The following KMT2A variants were observed in gnomAD, a reference collection of about 807,000 sequenced individuals.
KMT2A encodes histone-lysine N-methyltransferase 2A.
In KMT2A, 16 loss-of-function variants were observed where a neutral mutation model predicts 345.3. The observed-to-expected ratio is 0.05, with a 90% CI of 0.03 to 0.07. The LOEUF (loss-of-function observed/expected upper bound fraction) is 0.07, where lower values mean the gene tolerates loss of function less well. KMT2A is among the 10% of genes least tolerant of loss of function. KMT2A has a pLI of 1.00. For missense variants in KMT2A, 3,272 were observed against 4,841.6 expected, an observed-to-expected ratio of 0.68 and a Z score of 9.62; for synonymous variants, 1,599 against 1,778.6, an observed-to-expected ratio of 0.90 and a Z score of 2.54.
chr11:118,438,557 G>T (rs1169902552), intron 1 of KMT2A, among the ~76,000 whole-genome samples: 6 of 152,102 alleles, frequency 3.9e-5, no homozygotes, highest in Admixed American at 6.5e-5. Context: ...GAAAGGGAAA[G>T]ATAACAACCA....
Position 118,493,182 on chromosome 11 carries a change from T to A in KMT2A, c.5130T>A (p.Asp1710Glu). Residue 1710 changes from aspartate (D) to glutamate (E), a missense_variant, in exon 16 of 36, where the codon GAT (aspartate) becomes GAA (glutamate). By Grantham distance (45) the Asp-to-Glu change is conservative. This residue lies in a region of KMT2A where 235 missense variants were observed against 503.4 expected (regional missense o/e 0.47). Transcript: ENST00000534358. This position sits in a 1 kb window ranked among gnomAD's most constrained non-coding sequence, Gnocchi z 5.8. Reference sequence around the variant, plus strand: ...AACAGGATGATCAGCAGCCTTTAGATCTAGAAGGAGTCAAGAGGAAGATGG... The same window carrying A: ...AACAGGATGATCAGCAGCCTTTAGAACTAGAAGGAGTCAAGAGGAAGATGG... ...VSKQDDQQPL[D>E]LEGVKRKMDQ... 1 of 1,614,074 alleles carries A rather than the reference T, an allele frequency of 6.2e-7. No homozygotes were observed. The highest frequency in any genetic ancestry group is 8.5e-7 in the Non-Finnish European group (1 of 1,179,996).
rs781941668 is a variant in KMT2A at position 118,474,283 on chromosome 11, A to C, written c.3124A>C (p.Ser1042Arg). The C allele has an allele frequency of 3.1e-6, 5 of 1,614,080 alleles. No homozygotes were observed. The Admixed American group carries it at 6.7e-5, about 22-fold the overall frequency. ...GCTCTGCAAGATTGAGAAGAGTAAG[A>C]GTCTTAAACAAACCGACCAGCCCAA... ...AQLCKIEKSK[S>R]LKQTDQPKAQ... Residue 1042 changes from serine (S) to arginine (R), a missense_variant, in exon 3 of 36, where the codon AGT (serine) becomes CGT (arginine). By Grantham distance (110) the Ser-to-Arg change is moderately radical (BLOSUM62 -1). Around this residue, in one of 27 missense-constraint regions of KMT2A, gnomAD observed 29 missense variants for 27.1 expected, o/e 1.07. Transcript: ENST00000534358.
intron 1 of KMT2A, chr11:118,447,547 A>G: frequency 3.1e-6 from 1 of 318,104 alleles, no homozygotes; most frequent in Non-Finnish European, 6.4e-6. Context: ...GGGTATCCTG[A>G]TGGGATGGCA....
chr11:118,508,411 G>A (rs1400940271), intron 28 of KMT2A, among the ~76,000 whole-genome samples: 2 of 152,062 alleles, frequency 1.3e-5, no homozygotes, highest in African/African-American at 4.8e-5. Flanking sequence ...ATATACATTT[G>A]GATTGTTTCC....
rs2134273806 is a variant in KMT2A, at chr11:118,474,305, C to G, written c.3146C>G (p.Pro1049Arg). The stretch of plus-strand genomic sequence containing the variant: ...AAGAGTCTTAAACAAACCGACCAGC[C>G]CAAAGCACAGGTACTCTTTTCCACC... Reference protein sequence around the residue: ...KSKSLKQTDQPKAQGQESDSS... With the variant: ...KSKSLKQTDQRKAQGQESDSS... Residue 1049 changes from proline (P) to arginine (R), a missense_variant, in exon 3 of 36, where the codon CCC becomes CGC. Around this residue, in one of 27 missense-constraint regions of KMT2A, gnomAD observed 29 missense variants for 27.1 expected, o/e 1.07. Coordinates refer to ENST00000534358, the MANE Select transcript of KMT2A (RefSeq NM_001197104.2). The G allele has an allele frequency of 6.2e-7, 1 of 1,613,456 alleles. No individual in the cohort carries two copies. Among genetic ancestry groups the G allele is most frequent in the Non-Finnish European group, 8.5e-7 (1 of 1,179,850 alleles).
At chr11:118,456,975 C>G (rs1298058721) in intron 1 of KMT2A, among the ~76,000 whole-genome samples, 1 of 152,134 alleles carries the variant, frequency 6.6e-6, no homozygotes, top group Non-Finnish European at 1.5e-5. Context: ...TCCCTTAAAC[C>G]TTTATATCAA....
Position 118,506,607 on chromosome 11 carries a change from T to C in KMT2A, c.10715T>C (p.Ile3572Thr). The C allele has an allele frequency of 1.2e-6, 2 of 1,611,660 alleles. No individual in the cohort carries two copies. The highest frequency in any genetic ancestry group is 1.7e-6 in the Non-Finnish European group (2 of 1,178,324). ...CGGACCAGTTCTTCTGAAGCACACA[T>C]TCCAGACCAAGAAACGACATCCCTG... The part of the protein sequence containing the change: ...HLRTSSSEAH[I>T]PDQETTSLTS... Residue 3572 changes from isoleucine (I) to threonine (T), a missense_variant, in exon 27 of 36, where the codon ATT (isoleucine) becomes ACT (threonine). Transcript: ENST00000534358.
At chr11:118,447,325 A>G (rs782052879) in intron 1 of KMT2A, among the ~76,000 whole-genome samples, 11 of 152,164 alleles carry the variant, frequency 7.2e-5, no homozygotes, top group Admixed American at 5.2e-4. Flanking sequence ...CTTTTTATAT[A>G]GTATTTGTTG....
Position 118,496,292 on chromosome 11 carries a change from G to T in KMT2A, c.5589G>T (p.Glu1863Asp), listed in dbSNP as rs565762131. The T allele has an allele frequency of 6.8e-4, 1,090 of 1,613,914 alleles. 16 individuals are homozygous for T. In the South Asian group the frequency reaches 0.011, roughly 17 times the overall value. ...STDRSREDSP[E>D]LNPPPGIEDN... ...ATAGGAGTCGAGAAGACAGTCCAGAGCTGAACCCACCCCCAGGCATAGAAG... is the reference window on the plus strand; with the variant it reads ...ATAGGAGTCGAGAAGACAGTCCAGATCTGAACCCACCCCCAGGCATAGAAG... The change falls in exon 20 of 36, where the codon GAG becomes GAT. Residue 1863 changes from glutamate to aspartate, a missense_variant. Physicochemically the swap from Glu to Asp is conservative, Grantham distance 45. Around this residue, in one of 27 missense-constraint regions of KMT2A, gnomAD observed 235 missense variants for 503.4 expected, o/e 0.47. Coordinates refer to ENST00000534358, the MANE Select transcript of KMT2A (RefSeq NM_001197104.2). This position sits in a 1 kb window ranked among gnomAD's most constrained non-coding sequence, Gnocchi z 4.7.
At position 118,498,550 on chromosome 11, in the gene KMT2A, T is replaced by TAA. The variant is rs57102960; in HGVS notation, c.5961+36_5961+37dup. 2.6e-3 allele frequency: 3,674 copies of TAA among 1,439,222 alleles called. 16 individuals are homozygous for TAA. The highest frequency in any genetic ancestry group is 0.025 in the African/African-American group (1,668 of 67,180). The allele number at this position is 1,439,222 out of a possible 1,614,324, so 89.2% of individuals were successfully genotyped here. ...CGAAGTGAGAGAGCTTTAGTTGCTT[T>TAA]AAAAAAAAAAAAAAAGACTTTTTTA... On this transcript the variant is annotated intron_variant, in intron 22 of 35. Transcript: ENST00000534358. This position sits in a 1 kb window ranked among gnomAD's most constrained non-coding sequence, Gnocchi z 4.4.
intron 1 of KMT2A, among the ~76,000 whole-genome samples, chr11:118,442,904 A>G (rs1949343153): frequency 1.3e-5 from 2 of 152,196 alleles, no homozygotes; most frequent in South Asian, 4.1e-4. Flanking sequence ...TTATTAAGAA[A>G]AAGGAATCTT....
At chr11:118,509,902 A>G (rs1555049603) in intron 29 of KMT2A, 46 bp from the exon 30 acceptor site, 2 of 1,416,296 alleles carry the variant, frequency 1.4e-6, no homozygotes, top group Admixed American at 3.9e-5. Context: ...GTCAGTGCTC[A>G]GTGAGCATTT....
At chr11:118,512,078 G>T (rs1950699703) in intron 31 of KMT2A, 53 bp downstream of exon 31, 3 of 1,516,760 alleles carry the variant, frequency 2.0e-6, no homozygotes, top group Non-Finnish European at 1.8e-6. Context: ...ATGGTAAATT[G>T]TTCGCCTAAG....
intron 10 of KMT2A, 161 bp from the exon 11 acceptor site, chr11:118,488,453 A>G (rs905010444): frequency 4.0e-6 from 3 of 743,166 alleles, no homozygotes; most frequent in Non-Finnish European, 7.1e-6. Flanking sequence ...GCAGTGTCCA[A>G]TACTGTACTT....
In KMT2A at chr11:118,491,910, T is replaced by C. The variant is rs1555042595; in HGVS notation, c.4986T>C (p.His1662=). The C allele has an allele frequency of 1.9e-6, 3 of 1,613,408 alleles. No individual in the cohort carries two copies. Among genetic ancestry groups the C allele is most frequent in the South Asian group, 1.1e-5 (1 of 91,038 alleles). The change falls in exon 15 of 36, where the codon CAT becomes CAC. Residue 1662 remains histidine, a synonymous_variant. Transcript: ENST00000534358. The surrounding 1 kb of genome is among the most constrained non-coding windows in gnomAD (Gnocchi z 4.2). ...TALLNSRTTS[H]LLRYRQAAKP... ...TGTTGAATTCTCGGACTACCAGCCA[T>C]TTGCTACGCTACCGGCAGGTAGGCC...
chr11:118,498,403 G>A lies in KMT2A; in HGVS notation c.5836G>A (p.Val1946Met), dbSNP rs782411332. 4 of 1,612,764 alleles carry A rather than the reference G, an allele frequency of 2.5e-6. No homozygotes were observed. Among genetic ancestry groups the A allele is most frequent in the Middle Eastern group, 1.6e-4 (1 of 6,076 alleles). The change falls in exon 22 of 36, where the codon GTG becomes ATG. Residue 1946 changes from valine to methionine, a missense_variant. By Grantham distance (21) the Val-to-Met change is conservative. Transcript: ENST00000534358. The surrounding 1 kb of genome is among the most constrained non-coding windows in gnomAD (Gnocchi z 4.4). ...CEFCQKPGAT[V>M]GCCLTSCTSN... is the part of the protein sequence containing the mutation. ...ATTCTGCCAAAAGCCAGGAGCCACC[G>A]TGGGTTGCTGTCTCACATCCTGCAC... is the stretch of plus-strand genomic sequence containing the variant.
chr11:118,449,650 T>C (rs1169300097), intron 1 of KMT2A: 1 of 152,024 alleles, frequency 6.6e-6, no homozygotes, highest in African/African-American at 2.4e-5. Flanking sequence ...AGTGTTATTT[T>C]GCCAAGAAGA....
chr11:118,481,567 T>A (rs926886299), intron 6 of KMT2A, 148 bp from the exon 7 acceptor site: 2 of 778,558 alleles, frequency 2.6e-6, no homozygotes, highest in Non-Finnish European at 4.0e-6. Flanking sequence ...AACATGAGAG[T>A]GCAGATATCT....
intron 1 of KMT2A, among the ~76,000 whole-genome samples, chr11:118,465,114 A>G (rs1368064157): frequency 6.6e-6 from 1 of 152,148 alleles, no homozygotes; most frequent in African/African-American, 2.4e-5. Flanking sequence ...TTAAAAATCT[A>G]TGAAGGAGGC....
Sources: allele counts gnomAD v4.1 joint callset (sites outside exome capture counted in the v4.1 genomes callset), GRCh38; gene constraint gnomAD v4.1.1; regional missense constraint gnomAD v4.1.1; non-coding constraint Gnocchi (gnomAD v3.1); transcripts MANE v1.5; gene names NCBI Gene and HGNC (gene_info 2026-07-23, HGNC 2026-07-21).